The following TBC1D4 variants were observed in gnomAD, a reference collection of about 807,000 sequenced individuals.
The protein encoded by TBC1D4 is TBC (Tre-2, BUB2, CDC16) domain-containing protein.
A neutral mutation model predicts 142.5 loss-of-function variants in TBC1D4; 121 were observed. That is an observed-to-expected ratio of 0.85 (90% CI 0.73 to 0.99). The LOEUF is 0.99. TBC1D4 is among the 50% of genes least tolerant of loss of function. The pLI is 0.00. For synonymous variants in TBC1D4, 630 were observed against 628.2 expected (o/e 1.00, Z -0.04); for missense variants, 1,475 against 1,606.6 (o/e 0.92, Z 1.40).
At chr13:75,460,502 G>A (rs936164204) in intron 1 of TBC1D4, among the ~76,000 whole-genome samples, 8 of 152,194 alleles carry the variant, frequency 5.3e-5, no homozygotes, top group East Asian at 3.8e-4. Context: ...GTGGGCACGA[G>A]GAATGATGAG....
chr13:75,425,902 C>A (rs997907692), intron 1 of TBC1D4, among the ~76,000 whole-genome samples: 2 of 151,932 alleles, frequency 1.3e-5, no homozygotes, highest in Non-Finnish European at 2.9e-5. Flanking sequence ...ATCATGGTGA[C>A]CATAGTTAAT....
intron 1 of TBC1D4, among the ~76,000 whole-genome samples, chr13:75,449,345 C>T (rs567455487): frequency 7.3e-5 from 11 of 151,430 alleles, no homozygotes; most frequent in South Asian, 4.2e-4. Flanking sequence ...ATACCTATGA[C>T]GAAGTTTAAT....
chr13:75,405,697 C>T (rs1298563744), intron 1 of TBC1D4, among the ~76,000 whole-genome samples: 2 of 151,786 alleles, frequency 1.3e-5, no homozygotes, highest in Non-Finnish European at 2.9e-5. Flanking sequence ...TAAACTTTAC[C>T]ATGATCATCT....
Position 75,481,423 on chromosome 13 carries a change from C to G in TBC1D4, c.345G>C (p.Ala115=). The part of the protein sequence containing the change: ...TSPSATQPNP[A]VFIFEHKAQH... ...GCGCCTTGTGCTCGAAGATGAATACCGCCGGGTTGGGCTGCGTGGCCGACG... is the reference window on the plus strand; with the variant it reads ...GCGCCTTGTGCTCGAAGATGAATACGGCCGGGTTGGGCTGCGTGGCCGACG... Residue 115 remains alanine, a synonymous_variant, in exon 1 of 21, where the codon GCG becomes GCC. Coordinates refer to ENST00000377636, the MANE Select transcript of TBC1D4 (RefSeq NM_014832.5). 6.2e-7 allele frequency: 1 copy of G among 1,613,860 alleles called. No individual in the cohort carries two copies. Among genetic ancestry groups the G allele is most frequent in the East Asian group, 2.2e-5 (1 of 44,844 alleles).
At chr13:75,326,086 C>G (rs1414409766) in intron 10 of TBC1D4, 111 bp downstream of exon 10, 5 of 1,288,332 alleles carry the variant, frequency 3.9e-6, no homozygotes, top group Non-Finnish European at 5.5e-6. Flanking sequence ...TGGTGTTTCT[C>G]AAAACTAAAA....
chr13:75,367,131 AC>A, intron 1 of TBC1D4: 1 of 207,978 alleles, frequency 4.8e-6, no homozygotes, highest in Non-Finnish European at 8.4e-6. Context: ...GTATTTCCTG[AC>A]TCTGCAATCA....
intron 5 of TBC1D4, among the ~76,000 whole-genome samples, chr13:75,344,072 C>T (rs2138089982): frequency 6.6e-6 from 1 of 152,180 alleles, no homozygotes; most frequent in Admixed American, 6.5e-5. Context: ...AACTCCTGAC[C>T]TCCTGACCTC....
At chr13:75,359,050 C>G (rs942020363) in intron 3 of TBC1D4, among the ~76,000 whole-genome samples, 4 of 152,112 alleles carry the variant, frequency 2.6e-5, no homozygotes, top group Admixed American at 2.0e-4. Context: ...TTGGCAAGAT[C>G]CAGCTCCTTG....
intron 6 of TBC1D4, 89 bp downstream of exon 6, chr13:75,341,407 A>G (rs1593757704): frequency 1.5e-6 from 2 of 1,350,478 alleles, no homozygotes; most frequent in East Asian, 2.3e-5. Flanking sequence ...CTTTAGCTCT[A>G]GGCAGCAGAA....
chr13:75,301,834 A>AG (rs1338807895), intron 16 of TBC1D4, among the ~76,000 whole-genome samples: 1 of 152,182 alleles, frequency 6.6e-6, no homozygotes, highest in Non-Finnish European at 1.5e-5. Context: ...TGTTTTCAGC[A>AG]GTGTGTCCAG....
At position 75,481,940 on chromosome 13, in the gene TBC1D4, T is replaced by G; in HGVS notation, c.-173A>C. 5.4e-6 allele frequency: 5 copies of G among 932,174 alleles called. No homozygotes were observed. The highest frequency in any genetic ancestry group is 5.6e-6 in the Non-Finnish European group (4 of 711,326). 57.7% of individuals were successfully genotyped at this position (932,174 alleles called of 1,614,324 possible). A position where few individuals can be genotyped will look rare whatever the true frequency, so the allele number is the denominator to read the frequency against. On this transcript the variant is annotated 5_prime_UTR_variant, in exon 1 of 21. Coordinates refer to ENST00000377636, the MANE Select transcript of TBC1D4 (RefSeq NM_014832.5). ...TCAGCAGCCCTGCCCCATGCAGCACTTCCACGGGCGCGGCTCGGAGGCTCC... is the reference window on the plus strand; with the variant it reads ...TCAGCAGCCCTGCCCCATGCAGCACGTCCACGGGCGCGGCTCGGAGGCTCC...
chr13:75,299,506 G>A lies in TBC1D4; in HGVS notation c.2980C>T (p.Leu994Phe), dbSNP rs370816364. Reference sequence around the variant, plus strand: ...TCCAGCAAAGAATAGGCTTTCAGGAGGTTAAACAGTGACAGCTGTCCTGGC... The same window carrying A: ...TCCAGCAAAGAATAGGCTTTCAGGAAGTTAAACAGTGACAGCTGTCCTGGC... ...LGPGQLSLFN[L>F]LKAYSLLDKE... Residue 994 changes from leucine (L) to phenylalanine (F), a missense_variant, in exon 17 of 21, where the codon CTC (leucine) becomes TTC (phenylalanine). Coordinates refer to ENST00000377636, the MANE Select transcript of TBC1D4 (RefSeq NM_014832.5). 2 of 1,614,168 alleles carry A rather than the reference G, an allele frequency of 1.2e-6. No homozygotes were observed. Among genetic ancestry groups the A allele is most frequent in the Non-Finnish European group, 1.7e-6 (2 of 1,180,036 alleles).
At chr13:75,382,995 T>C (rs888118559) in intron 1 of TBC1D4, among the ~76,000 whole-genome samples, 11 of 152,204 alleles carry the variant, frequency 7.2e-5, no homozygotes, top group African/African-American at 2.4e-4. Flanking sequence ...GTATACCCTT[T>C]AAGGGCAAGT....
chr13:75,327,397 T>G (rs1486920591), intron 9 of TBC1D4, among the ~76,000 whole-genome samples: 1 of 151,374 alleles, frequency 6.6e-6, no homozygotes, highest in Non-Finnish European at 1.5e-5. Context: ...TTTTAAAAAA[T>G]GAGGGGGGAA....
chr13:75,346,214 T>C (rs1881132398), intron 5 of TBC1D4, among the ~76,000 whole-genome samples: 1 of 144,192 alleles, frequency 6.9e-6, no homozygotes, highest in Admixed American at 6.9e-5. Context: ...TGCAGGTTTG[T>C]TACACAGGTA....
rs1380849186 is a variant in TBC1D4 at position 75,283,770 on chromosome 13, T to C, written c.*3022A>G. 6.6e-6 allele frequency among the ~76,000 whole-genome samples: 1 copy of C among 152,196 alleles called. No homozygotes were observed. The highest frequency in any genetic ancestry group is 2.4e-5 in the African/African-American group (1 of 41,460). ...TCCATTGAGAAAGTAAGTTGAAAAA[T>C]GGTAACAATGTACTTACATAAATGT... On this transcript the variant is annotated 3_prime_UTR_variant, in exon 21 of 21. Coordinates refer to ENST00000377636, the MANE Select transcript of TBC1D4 (RefSeq NM_014832.5).
At chr13:75,419,952 G>C (rs193167137) in intron 1 of TBC1D4, among the ~76,000 whole-genome samples, 290 of 152,302 alleles carry the variant, frequency 1.9e-3, no homozygotes, top group Non-Finnish European at 2.1e-3. Context: ...AAGTCCTCGC[G>C]CAGGAAGCGG....
At chr13:75,431,958 G>A (rs1047093904) in intron 1 of TBC1D4, among the ~76,000 whole-genome samples, 1 of 152,186 alleles carries the variant, frequency 6.6e-6, no homozygotes, top group African/African-American at 2.4e-5. Flanking sequence ...CATTTTAGAA[G>A]AATTAGATTT....
chr13:75,406,809 G>C (rs1279747309), intron 1 of TBC1D4, among the ~76,000 whole-genome samples: 1 of 152,042 alleles, frequency 6.6e-6, no homozygotes, highest in East Asian at 1.9e-4. Flanking sequence ...CCACAAGCAG[G>C]GTTTATGGTA....
Sources: allele counts gnomAD v4.1 joint callset (sites outside exome capture counted in the v4.1 genomes callset), GRCh38; gene constraint gnomAD v4.1.1; transcripts MANE v1.5; gene names NCBI Gene and HGNC (gene_info 2026-07-23, HGNC 2026-07-21).